The following MBD5 variants were observed in gnomAD, a reference collection of about 807,000 sequenced individuals.
MBD5 encodes methyl-CpG binding domain protein 5.
In MBD5, 13 loss-of-function variants were observed where a neutral mutation model predicts 117.3. That is an observed-to-expected ratio of 0.11 (90% confidence interval 0.07 to 0.18). The LOEUF (loss-of-function observed/expected upper bound fraction) is 0.18. MBD5 is among the 10% of genes least tolerant of loss of function. The pLI, the probability that MBD5 is intolerant of heterozygous loss-of-function variation, is 1.00. For missense variants in MBD5, 1,879 were observed against 2,093.8 expected (o/e 0.90, Z 2.00); for synonymous variants, 727 against 766.4 (o/e 0.95, Z 0.85).
intron 2 of MBD5, among the ~76,000 whole-genome samples, chr2:148,208,561 C>A (rs1358123183): frequency 6.6e-6 from 1 of 152,026 alleles, no homozygotes; most frequent in Non-Finnish European, 1.5e-5. Flanking sequence ...CAGGCTATAC[C>A]TACTTTATAT....
Position 148,513,934 on chromosome 2 carries a change from C to CCCCACT in MBD5, c.*994_*999dup, listed in dbSNP as rs1234542134. 1 of 152,114 alleles carries CCCCACT rather than the reference C, an allele frequency of 6.6e-6. No homozygotes were observed. The highest frequency in any genetic ancestry group is 1.5e-5 in the Non-Finnish European group (1 of 68,032). 9.4% of individuals were successfully genotyped at this position (152,114 alleles called of 1,614,324 possible). A position where few individuals can be genotyped will look rare whatever the true frequency, so the allele number is the denominator to read the frequency against. ...CTATTTCCGTACATGGAGGCAAAAA[C>CCCCACT]CCCACTTTGCAACCATTATCAGAGG... On this transcript the variant is annotated 3_prime_UTR_variant, in exon 14 of 14. Transcript: ENST00000642680.
intron 1 of MBD5, chr2:148,026,728 G>C (rs1693902418): frequency 1.3e-5 from 2 of 152,196 alleles, no homozygotes; most frequent in African/African-American, 4.8e-5. Context: ...TTCAGGGTCA[G>C]CCTGTGCAAT....
Position 148,514,784 on chromosome 2 carries a change from G to A in MBD5, c.*1843G>A, listed in dbSNP as rs1682306312. On this transcript the variant is annotated 3_prime_UTR_variant, in exon 14 of 14. Coordinates refer to ENST00000642680, the MANE Select transcript of MBD5 (RefSeq NM_001378120.1). ...GAGCATGCCACCTGGGCTCACTTTT[G>A]ATAGCAACAGCTCTTAGTTATTCCC... 6.6e-6 allele frequency: 1 copy of A among 152,246 alleles called. No homozygotes were observed. The highest frequency in any genetic ancestry group is 1.5e-5 in the Non-Finnish European group (1 of 68,094). 9.4% of individuals were successfully genotyped at this position (152,246 alleles called of 1,614,324 possible).
At chr2:148,497,170 G>T (rs1419695435) in intron 11 of MBD5, among the ~76,000 whole-genome samples, 2 of 151,668 alleles carry the variant, frequency 1.3e-5, no homozygotes, top group Non-Finnish European at 2.9e-5. Context: ...AGCTAAAGCT[G>T]CATATTACAT....
chr2:148,116,864 A>T (rs78771432), intron 1 of MBD5, among the ~76,000 whole-genome samples: 2 of 152,312 alleles, frequency 1.3e-5, no homozygotes, highest in South Asian at 4.1e-4. Flanking sequence ...TCTGCAGCAC[A>T]TAGGTAAGTC....
At position 148,502,451 on chromosome 2, in the gene MBD5, T is replaced by C. The variant is rs773124726; in HGVS notation, c.4978T>C (p.Leu1660=). 1 of 1,614,170 alleles carries C rather than the reference T, an allele frequency of 6.2e-7. No homozygotes were observed. The highest frequency in any genetic ancestry group is 8.5e-7 in the Non-Finnish European group (1 of 1,180,004). ...CTTCACTCAGGTGGAGCCCGAGAAG[T>C]TGAAGACACTAACAGAAGGTTTGGA... The part of the protein sequence containing the change: ...PEEGKVEPEK[L]KTLTEGLEAY... The change falls in exon 12 of 14, where the codon TTG becomes CTG. Residue 1660 remains leucine, a synonymous_variant. Transcript: ENST00000642680.
At chr2:148,148,142 A>C (rs1453462994) in intron 1 of MBD5, among the ~76,000 whole-genome samples, 1 of 152,216 alleles carries the variant, frequency 6.6e-6, no homozygotes, top group Non-Finnish European at 1.5e-5. Context: ...CAATGGTTAC[A>C]TAAAGGCAGT....
chr2:148,152,384 G>A (rs1425871297), intron 1 of MBD5, among the ~76,000 whole-genome samples: 1 of 152,216 alleles, frequency 6.6e-6, no homozygotes, highest in South Asian at 2.1e-4. Flanking sequence ...TGGAATAGGT[G>A]TGGTGCGGTG....
chr2:148,116,141 G>A (rs1415873240), intron 1 of MBD5, among the ~76,000 whole-genome samples: 2 of 151,760 alleles, frequency 1.3e-5, no homozygotes. Context: ...ACTGCACCTG[G>A]CCCCATTTTC....
At chr2:148,275,285 C>T (rs1445325530) in intron 3 of MBD5, among the ~76,000 whole-genome samples, 1 of 152,046 alleles carries the variant, frequency 6.6e-6, no homozygotes, top group Non-Finnish European at 1.5e-5. Flanking sequence ...TTGATTATTG[C>T]TTCCCCTCCA....
At chr2:148,282,897 C>A (rs1559004361) in intron 3 of MBD5, among the ~76,000 whole-genome samples, 4 of 131,492 alleles carry the variant, frequency 3.0e-5, no homozygotes, top group South Asian at 2.5e-4. Context: ...TAAGACTTAA[C>A]CGCCCCCCCC....
At chr2:148,084,055 T>A (rs946212968) in intron 1 of MBD5, among the ~76,000 whole-genome samples, 1 of 152,246 alleles carries the variant, frequency 6.6e-6, no homozygotes, top group Admixed American at 6.5e-5. Context: ...GAAAACTTGA[T>A]GTAGAAATGC....
intron 1 of MBD5, among the ~76,000 whole-genome samples, chr2:148,078,682 A>G (rs1282058810): frequency 6.6e-6 from 1 of 152,186 alleles, no homozygotes; most frequent in African/African-American, 2.4e-5. Context: ...AGTATATATT[A>G]TCCATTGGAA....
At chr2:148,071,184 A>G (rs1162261722) in intron 1 of MBD5, 1 of 152,132 alleles carries the variant, frequency 6.6e-6, no homozygotes, top group Non-Finnish European at 1.5e-5. Flanking sequence ...AATAACAGAC[A>G]TATATTAAAA....
intron 4 of MBD5, among the ~76,000 whole-genome samples, chr2:148,363,818 C>T (rs559326252): frequency 1.3e-5 from 2 of 152,248 alleles, no homozygotes; most frequent in African/African-American, 4.8e-5. Flanking sequence ...AAGGAACAAA[C>T]AAACCCTCCA....
chr2:148,221,007 G>C (rs1231772546), intron 2 of MBD5, among the ~76,000 whole-genome samples: 1 of 151,938 alleles, frequency 6.6e-6, no homozygotes, highest in Non-Finnish European at 1.5e-5. Context: ...TTGATTTTTA[G>C]ATCTCACACA....
intron 4 of MBD5, among the ~76,000 whole-genome samples, chr2:148,439,744 T>C (rs1338835005): frequency 2.0e-5 from 3 of 151,258 alleles, no homozygotes; most frequent in Non-Finnish European, 4.4e-5. Context: ...TCTCTTTTTT[T>C]TTTTTTTTTT....
intron 1 of MBD5, among the ~76,000 whole-genome samples, chr2:148,147,379 C>T (rs1272164035): frequency 5.3e-5 from 8 of 151,442 alleles, no homozygotes; most frequent in Non-Finnish European, 1.2e-4. Flanking sequence ...GAAGCTGGGA[C>T]TACAAGCATG....
intron 1 of MBD5, among the ~76,000 whole-genome samples, chr2:148,034,779 AGG>A (rs1219844286): frequency 1.3e-5 from 2 of 152,226 alleles, no homozygotes; most frequent in Non-Finnish European, 2.9e-5. Context: ...TGAGAAAGAA[AGG>A]TCATGAAAAT....
Sources: gnomAD v4.1 joint callset for allele counts (sites outside exome capture counted in the v4.1 genomes callset) on GRCh38, gnomAD v4.1.1 for gene constraint, MANE v1.5 for transcripts, NCBI Gene and HGNC (gene_info 2026-07-23, HGNC 2026-07-21) for gene names.